The following SMAP2 variants were observed in gnomAD, a reference collection of about 807,000 sequenced individuals.
The protein encoded by SMAP2 is small ArfGAP2.
Under a neutral mutation model 56.4 loss-of-function variants are expected in SMAP2, and 25 were observed. The ratio of observed to expected loss-of-function variants is 0.44; its 90% CI spans 0.32 to 0.62. SMAP2 has a LOEUF of 0.62. SMAP2 is among the 20% of genes least tolerant of loss of function. The pLI is 0.04. For synonymous variants in SMAP2, 157 were observed against 181.7 expected, an observed-to-expected ratio of 0.86 and a Z score of 1.09; for missense variants, 388 against 545.6, an observed-to-expected ratio of 0.71 and a Z score of 2.88.
At chr1:40,348,722 C>T (rs1163162880) in intron 1 of SMAP2, among the ~76,000 whole-genome samples, 1 of 152,090 alleles carries the variant, frequency 6.6e-6, no homozygotes, top group Non-Finnish European at 1.5e-5. Context: ...TTTGCTCTCA[C>T]TAGAAATCAA....
At position 40,409,756 on chromosome 1, in the gene SMAP2, G is replaced by A; in HGVS notation, c.324-1G>A. ...ATTCATCCTTAATAAGCTTTTTGCA[G>A]AGCTGTTGAAGGATTTATTCGAGAC... On this transcript the variant is annotated splice_acceptor_variant, in intron 3 of 9. Coordinates refer to ENST00000372718, the MANE Select transcript of SMAP2 (RefSeq NM_022733.3). LOFTEE classifies it high-confidence loss of function. 1 of 1,606,996 alleles carries A rather than the reference G, an allele frequency of 6.2e-7. No individual in the cohort carries two copies. The highest frequency in any genetic ancestry group is 8.5e-7 in the Non-Finnish European group (1 of 1,173,822).
At chr1:40,376,367 A>G (rs1489290484) in intron 1 of SMAP2, among the ~76,000 whole-genome samples, 1 of 152,218 alleles carries the variant, frequency 6.6e-6, no homozygotes, top group Admixed American at 6.5e-5. Flanking sequence ...ACTACTGTTG[A>G]TGGTAGAATC....
At chr1:40,413,260 C>G (rs903624365) in intron 5 of SMAP2, among the ~76,000 whole-genome samples, 158 bp downstream of exon 5, 1 of 152,128 alleles carries the variant, frequency 6.6e-6, no homozygotes, top group African/African-American at 2.4e-5. Context: ...CATTTCTGCT[C>G]TCTCGTTACC....
At chr1:40,402,135 G>A (rs1425999855) in intron 1 of SMAP2, among the ~76,000 whole-genome samples, 9 of 152,036 alleles carry the variant, frequency 5.9e-5, no homozygotes, top group Non-Finnish European at 1.2e-4. Context: ...TTTCAAAATG[G>A]CATCTTTTAT....
At chr1:40,420,282 A>G (rs1188044626) in intron 9 of SMAP2, among the ~76,000 whole-genome samples, 1 of 151,946 alleles carries the variant, frequency 6.6e-6, no homozygotes, top group Non-Finnish European at 1.5e-5. Flanking sequence ...TTTCGTTTTT[A>G]TTTATATAAG....
Sources: allele counts gnomAD v4.1 joint callset (sites outside exome capture counted in the v4.1 genomes callset), GRCh38; gene constraint gnomAD v4.1.1; transcripts MANE v1.5; gene names NCBI Gene and HGNC (gene_info 2026-07-23, HGNC 2026-07-21).